FAM168A: variants seen among roughly 807,000 people sequenced by gnomAD.
FAM168A encodes the protein family with sequence similarity 168 member A.
A neutral mutation model predicts 28.5 loss-of-function variants in FAM168A; 3 were observed. The observed-to-expected ratio is 0.11, with a 90% confidence interval of 0.05 to 0.27. The LOEUF is 0.27. Among genes scored for constraint, FAM168A ranks in the 10% least tolerant of loss-of-function variants. FAM168A has a pLI of 1.00. For synonymous variants in FAM168A, 122 were observed against 124.2 expected (o/e 0.98, Z 0.12); for missense variants, 222 against 311.5 (o/e 0.71, Z 2.16).
intron 1 of FAM168A, among the ~76,000 whole-genome samples, chr11:73,590,293 C>T (rs772500148): frequency 4.6e-5 from 7 of 152,070 alleles, no homozygotes; most frequent in Non-Finnish European, 1.0e-4. Flanking sequence ...GTCCCAGCTA[C>T]TTAGGAGGCT....
intron 1 of FAM168A, among the ~76,000 whole-genome samples, chr11:73,538,185 TTATTCATTACTAAA>T (rs1292769939): frequency 6.6e-6 from 1 of 152,210 alleles, no homozygotes; most frequent in Non-Finnish European, 1.5e-5. Context: ...ATATCTTATT[TTATTCATTACTAAA>T]TATTCACTCA....
chr11:73,560,560 A>C (rs1395075690), intron 1 of FAM168A, among the ~76,000 whole-genome samples: 1 of 152,228 alleles, frequency 6.6e-6, no homozygotes, highest in African/African-American at 2.4e-5. Context: ...AACCTGACTA[A>C]GGCTATCAAC....
chr11:73,592,065 G>A (rs1944389051), intron 1 of FAM168A, among the ~76,000 whole-genome samples: 1 of 152,236 alleles, frequency 6.6e-6, no homozygotes, highest in Non-Finnish European at 1.5e-5. Flanking sequence ...CGTCAAGCTT[G>A]AGCGACATGA....
chr11:73,566,878 C>T (rs1162339948), intron 1 of FAM168A, among the ~76,000 whole-genome samples: 2 of 152,172 alleles, frequency 1.3e-5, no homozygotes, highest in Non-Finnish European at 2.9e-5. Flanking sequence ...AGAGCAACAA[C>T]TTTACAGTGG....
At position 73,401,051 on chromosome 11, in the gene FAM168A, C is replaced by T. The variant is rs948206470; in HGVS notation, c.*5712G>A. On this transcript the variant is annotated 3_prime_UTR_variant, in exon 8 of 8. Transcript: ENST00000356467. ...TGAAAACACCTATAAATTCTTTGAT[C>T]AAACTACTTGGAAGACACTGGTCAA... 6.0e-5 allele frequency: 9 copies of T among 151,076 alleles called. No homozygotes were observed. The highest frequency in any genetic ancestry group is 2.2e-4 in the African/African-American group (9 of 41,162). The allele number at this position is 151,076 out of a possible 1,614,324, so 9.4% of individuals were successfully genotyped here.
rs200303132 is a variant in FAM168A, at chr11:73,505,463, T to C, written c.-18-36971A>G. 2.6e-5 allele frequency among the ~76,000 whole-genome samples: 4 copies of C among 152,180 alleles called. No homozygotes were observed. In the East Asian group the frequency reaches 7.7e-4, roughly 29 times the overall value. ...AGTGTTTAGAACAATGCCCAACATA[T>C]AAAAACTAGCTATTATCATTATCAT... On this transcript the variant is annotated intron_variant, in intron 1 of 7. Transcript: ENST00000356467.
At chr11:73,470,199 C>T (rs761248288) in intron 1 of FAM168A, among the ~76,000 whole-genome samples, 3 of 152,118 alleles carry the variant, frequency 2.0e-5, no homozygotes, top group African/African-American at 7.2e-5. Flanking sequence ...CGTGAGCCAC[C>T]GCGCCTGGCC....
intron 2 of FAM168A, among the ~76,000 whole-genome samples, chr11:73,445,320 T>C (rs978335326): frequency 2.0e-5 from 3 of 151,858 alleles, no homozygotes; most frequent in Admixed American, 6.6e-5. Flanking sequence ...TAATCTCTTA[T>C]TGTTAGACAT....
chr11:73,509,311 T>C (rs779144390), intron 1 of FAM168A, among the ~76,000 whole-genome samples: 2 of 152,224 alleles, frequency 1.3e-5, no homozygotes, highest in Non-Finnish European at 2.9e-5. Flanking sequence ...AAAAACCTTA[T>C]CATTTGTTAA....
At chr11:73,416,167 C>T (rs962381608) in intron 4 of FAM168A, among the ~76,000 whole-genome samples, 10 of 152,202 alleles carry the variant, frequency 6.6e-5, no homozygotes, top group African/African-American at 2.4e-4. Context: ...ATAAAAGAGG[C>T]TTTGTTTATG....
At position 73,412,565 on chromosome 11, in the gene FAM168A, G is replaced by A. The variant is rs559713331; in HGVS notation, c.278-1029C>T. Among the ~76,000 whole-genome samples, 79 of 152,308 alleles carry A rather than the reference G, an allele frequency of 5.2e-4. 1 individual carries two copies. The highest frequency in any genetic ancestry group is 1.9e-3 in the African/African-American group (78 of 41,566). Reference sequence around the variant, plus strand: ...CCTTTTAGAATCACAAAATGGAATCGTTCTACGGAACCCAAGTGATCATCA... The same window carrying A: ...CCTTTTAGAATCACAAAATGGAATCATTCTACGGAACCCAAGTGATCATCA... On this transcript the variant is annotated intron_variant, in intron 4 of 7. Coordinates refer to ENST00000356467, the MANE Select transcript of FAM168A (RefSeq NM_015159.3).
intron 1 of FAM168A, among the ~76,000 whole-genome samples, chr11:73,570,703 C>T (rs528195070): frequency 6.7e-6 from 1 of 148,850 alleles, no homozygotes; most frequent in Admixed American, 6.7e-5. Flanking sequence ...CACTGTACTC[C>T]AGCCTGGGTG....
At chr11:73,519,651 A>G (rs1943351138) in intron 1 of FAM168A, among the ~76,000 whole-genome samples, 1 of 152,146 alleles carries the variant, frequency 6.6e-6, no homozygotes, top group African/African-American at 2.4e-5. Flanking sequence ...TTTAGGAAAA[A>G]GAACAGCATG....
At chr11:73,573,301 T>TGTTA (rs906719540) in intron 1 of FAM168A, among the ~76,000 whole-genome samples, 3 of 152,216 alleles carry the variant, frequency 2.0e-5, no homozygotes, top group African/African-American at 7.2e-5. Flanking sequence ...AAGCTACAGT[T>TGTTA]GTTACCTCTA....
intron 1 of FAM168A, among the ~76,000 whole-genome samples, chr11:73,493,154 C>T (rs960752615): frequency 1.1e-4 from 16 of 151,430 alleles, no homozygotes; most frequent in South Asian, 4.2e-4. Flanking sequence ...TGAACATGTA[C>T]CCTCAAACCT....
At position 73,407,690 on chromosome 11, in the gene FAM168A, C is replaced by T. The variant is rs1462396650; in HGVS notation, c.596-47G>A. 4 of 1,491,870 alleles carry T rather than the reference C, an allele frequency of 2.7e-6. No homozygotes were observed. In the African/African-American group the frequency reaches 4.2e-5, roughly 16 times the overall value. The allele number at this position is 1,491,870 out of a possible 1,614,324, so 92.4% of individuals were successfully genotyped here. A position where few individuals can be genotyped will look rare whatever the true frequency, so the allele number is the denominator to read the frequency against. Reference sequence around the variant, plus strand: ...AGTAACCTGACGAGGCTGCACCAGACACAGGAATGAAGAGGATGAAGCTAC... The same window carrying T: ...AGTAACCTGACGAGGCTGCACCAGATACAGGAATGAAGAGGATGAAGCTAC... On this transcript the variant is annotated intron_variant, in intron 6 of 7. Coordinates refer to ENST00000356467, the MANE Select transcript of FAM168A (RefSeq NM_015159.3).
At position 73,400,594 on chromosome 11, in the gene FAM168A, C is replaced by CACTT. The variant is rs145012411; in HGVS notation, c.*6165_*6168dup. 3.9e-5 allele frequency: 6 copies of CACTT among 152,348 alleles called. No homozygotes were observed. Among genetic ancestry groups the CACTT allele is most frequent in the Non-Finnish European group, 5.9e-5 (4 of 68,042 alleles). 9.4% of individuals were successfully genotyped at this position (152,348 alleles called of 1,614,324 possible). ...CACTTAGGGTGGGTGCTGAAGTTGC[C>CACTT]ACTTAAAGCTCCCCAGCAGCTGTGA... is the stretch of plus-strand genomic sequence containing the variant. On this transcript the variant is annotated 3_prime_UTR_variant, in exon 8 of 8. Transcript: ENST00000356467.
intron 3 of FAM168A, chr11:73,430,286 G>GTA (rs1491036309): frequency 9.3e-6 from 2 of 214,498 alleles, no homozygotes; most frequent in African/African-American, 4.9e-5. Context: ...AGGTGTGTGT[G>GTA]TGTGTGTGTG....
chr11:73,462,639 G>T (rs1867667149), intron 2 of FAM168A, among the ~76,000 whole-genome samples: 1 of 152,156 alleles, frequency 6.6e-6, no homozygotes, highest in Admixed American at 6.5e-5. Flanking sequence ...ACTTTGTGAG[G>T]CCAAGGCAAG....
Sources: gnomAD v4.1 joint callset for allele counts (sites outside exome capture counted in the v4.1 genomes callset) on GRCh38, gnomAD v4.1.1 for gene constraint, MANE v1.5 for transcripts, NCBI Gene and HGNC (gene_info 2026-07-23, HGNC 2026-07-21) for gene names.